The following ZNF329 variants were observed in gnomAD, a reference collection of about 807,000 sequenced individuals.
ZNF329 encodes the protein zinc finger protein 329.
In ZNF329, 15 loss-of-function variants were observed where a neutral mutation model predicts 26.6. The observed-to-expected ratio is 0.56, with a 90% confidence interval of 0.38 to 0.87. The LOEUF (loss-of-function observed/expected upper bound fraction) is 0.87. ZNF329 is among the 40% of genes least tolerant of loss of function. The pLI is 0.00. For missense variants in ZNF329, 651 were observed against 651.9 expected, an observed-to-expected ratio of 1.00 and a Z score of 0.02; for synonymous variants, 239 against 233.5, an observed-to-expected ratio of 1.02 and a Z score of -0.21.
In ZNF329 at chr19:58,128,324, A is replaced by G. The variant is rs1342048758; in HGVS notation, c.1180T>C (p.Ser394Pro). 6.2e-7 allele frequency: 1 copy of G among 1,613,998 alleles called. No individual in the cohort carries two copies. The change falls in exon 4 of 4, where the codon TCT (serine) becomes CCT (proline). Residue 394 changes from serine to proline, a missense_variant. Transcript: ENST00000598312. Reference sequence around the variant, plus strand: ...TTACATTCATAGGGTTTCTCCCCAGAATGGATCTTTTGATGCACAATGAGG... The same window carrying G: ...TTACATTCATAGGGTTTCTCCCCAGGATGGATCTTTTGATGCACAATGAGG... ...SHLIVHQKIH[S>P]GEKPYECKEC...
chr19:58,153,384 A>C (rs1365959331), upstream of ZNF329, among the ~76,000 whole-genome samples: 1 of 152,204 alleles, frequency 6.6e-6, no homozygotes, highest in African/African-American at 2.4e-5. Flanking sequence ...TGCTGGGATG[A>C]CAGGCGTGAG....
intron 1 of ZNF329, among the ~76,000 whole-genome samples, chr19:58,147,543 G>C (rs1400851488): frequency 6.9e-6 from 1 of 144,022 alleles, no homozygotes; most frequent in South Asian, 2.1e-4. Context: ...CCGGGAGGGA[G>C]GTGGGGGGGT....
At position 58,129,592 on chromosome 19, in the gene ZNF329, GT is replaced by G. The variant is rs1195137014; in HGVS notation, c.-8-82del. ...AACAGACAATGATGATGGGCTAGGT[GT>G]AAAGATGTGTATTTTTTTACTTGTT... is the stretch of plus-strand genomic sequence containing the variant. On this transcript the variant is annotated intron_variant, in intron 3 of 3. Transcript: ENST00000598312. 1.2e-5 allele frequency: 14 copies of G among 1,195,200 alleles called. No homozygotes were observed. The Admixed American group carries it at 3.3e-4, about 28-fold the overall frequency. 74.0% of individuals were successfully genotyped at this position (1,195,200 alleles called of 1,614,324 possible).
At chr19:58,130,689 A>AC (rs2074920498) in intron 3 of ZNF329, among the ~76,000 whole-genome samples, 1 of 151,076 alleles carries the variant, frequency 6.6e-6, no homozygotes, top group Non-Finnish European at 1.5e-5. Flanking sequence ...AAAAAAAAAA[A>AC]AAAAACTGGA....
intron 3 of ZNF329, among the ~76,000 whole-genome samples, chr19:58,138,972 A>G (rs1426252573): frequency 6.6e-6 from 1 of 151,936 alleles, no homozygotes; most frequent in Admixed American, 6.6e-5. Flanking sequence ...AAAAAAAGAA[A>G]AAAGAAAAAA....
Position 58,126,415 on chromosome 19 carries a change from GAAT to G in ZNF329, c.*1460_*1462del, listed in dbSNP as rs2074802637. 1 of 152,110 alleles carries G rather than the reference GAAT, an allele frequency of 6.6e-6. No individual in the cohort carries two copies. The highest frequency in any genetic ancestry group is 1.5e-5 in the Non-Finnish European group (1 of 68,034). 9.4% of individuals were successfully genotyped at this position (152,110 alleles called of 1,614,324 possible). ...ATGTGCACATATTTTTACATGGCTG[GAAT>G]AATAGTAAATCTTCTATTTGATGCC... On this transcript the variant is annotated 3_prime_UTR_variant, in exon 4 of 4. Coordinates refer to ENST00000598312, the MANE Select transcript of ZNF329 (RefSeq NM_024620.4).
upstream of ZNF329, among the ~76,000 whole-genome samples, chr19:58,153,487 G>A (rs2075492940): frequency 6.6e-6 from 1 of 152,156 alleles, no homozygotes; most frequent in Non-Finnish European, 1.5e-5. Flanking sequence ...TTTCAGCTTT[G>A]CAGACCATAA....
At chr19:58,135,940 ACC>A (rs2075054032) in intron 3 of ZNF329, among the ~76,000 whole-genome samples, 1 of 152,216 alleles carries the variant, frequency 6.6e-6, no homozygotes, top group South Asian at 2.1e-4. Flanking sequence ...ATTACAAAAC[ACC>A]TAGAACAGGC....
intron 1 of ZNF329, among the ~76,000 whole-genome samples, chr19:58,144,395 TA>T (rs201425626): frequency 0.063 from 7,255 of 114,600 alleles, 270 homozygotes; most frequent in East Asian, 0.17. Flanking sequence ...TATATATATA[TA>T]TTTTTTTTTT....
chr19:58,136,052 G>A (rs2075058300), intron 3 of ZNF329, among the ~76,000 whole-genome samples: 1 of 152,000 alleles, frequency 6.6e-6, no homozygotes, highest in East Asian at 1.9e-4. Flanking sequence ...CCAATATAGT[G>A]AAACCCCATC....
In ZNF329 at chr19:58,149,713, T is replaced by G. The variant is rs191172626; in HGVS notation, c.-208+1039A>C. Reference sequence around the variant, plus strand: ...ACAAGCCCAAGTTCCTATAGCCAAATTTTTTAACTTGGCAAAAAATAAAGG... The same window carrying G: ...ACAAGCCCAAGTTCCTATAGCCAAAGTTTTTAACTTGGCAAAAAATAAAGG... On this transcript the variant is annotated intron_variant, in intron 1 of 3. Transcript: ENST00000598312. Among the ~76,000 whole-genome samples the G allele has an allele frequency of 2.5e-3, 381 of 152,304 alleles. 2 individuals are homozygous for G. The Middle Eastern group carries it at 0.031, about 12-fold the overall frequency.
intron 3 of ZNF329, among the ~76,000 whole-genome samples, chr19:58,140,984 C>T (rs1201701345): frequency 6.6e-6 from 1 of 150,424 alleles, no homozygotes; most frequent in Non-Finnish European, 1.5e-5. Flanking sequence ...GATTCTCTTG[C>T]CTTGGCCTCT....
chr19:58,132,952 A>C (rs955497929), intron 3 of ZNF329, among the ~76,000 whole-genome samples: 2 of 152,132 alleles, frequency 1.3e-5, no homozygotes, highest in African/African-American at 4.8e-5. Context: ...AGCTGGGACT[A>C]CAGGTGTCTG....
chr19:58,150,947 C>T (rs1490245681), upstream of ZNF329, among the ~76,000 whole-genome samples: 1 of 152,274 alleles, frequency 6.6e-6, no homozygotes, highest in Admixed American at 6.5e-5. Flanking sequence ...CCTATGGTCT[C>T]CTCTGATTTT....
In ZNF329 at chr19:58,127,560, A is replaced by C; in HGVS notation, c.*318T>G. Reference sequence around the variant, plus strand: ...TCCCTACTACAGGGCTCTTCATTCCAATCATGTTCTGAATGCATTCACAGG... The same window carrying C: ...TCCCTACTACAGGGCTCTTCATTCCCATCATGTTCTGAATGCATTCACAGG... On this transcript the variant is annotated 3_prime_UTR_variant, in exon 4 of 4. Transcript: ENST00000598312. The C allele has an allele frequency of 3.7e-6, 1 of 267,528 alleles. No homozygotes were observed. 16.6% of individuals were successfully genotyped at this position (267,528 alleles called of 1,614,324 possible).
intron 3 of ZNF329, among the ~76,000 whole-genome samples, chr19:58,142,013 C>T (rs1329931463): frequency 2.0e-5 from 3 of 152,150 alleles, no homozygotes; most frequent in African/African-American, 7.2e-5. Context: ...GAGCCCTGAT[C>T]GTGCCACTGT....
Position 58,128,721 on chromosome 19 carries a change from G to A in ZNF329, c.783C>T (p.Cys261=), listed in dbSNP as rs1316446111. ...CACTGAAAGCTTTCCCACATTTACTGCATTCATAGGGCTTCTCTCCTGTGT... is the reference window on the plus strand; with the variant it reads ...CACTGAAAGCTTTCCCACATTTACTACATTCATAGGGCTTCTCTCCTGTGT... ...RIHTGEKPYE[C]SKCGKAFSDG... Residue 261 remains cysteine (C), a synonymous_variant, in exon 4 of 4, where the codon TGC becomes TGT. Coordinates refer to ENST00000598312, the MANE Select transcript of ZNF329 (RefSeq NM_024620.4). The A allele has an allele frequency of 6.2e-7, 1 of 1,607,324 alleles. No individual in the cohort carries two copies. The highest frequency in any genetic ancestry group is 1.1e-5 in the South Asian group (1 of 90,076).
rs150170153 is a variant in ZNF329, at chr19:58,130,300, G to A, written c.-8-789C>T. Reference sequence around the variant, plus strand: ...ATCACACCACTGCACTCCAGCCTACGCGGCAGAGTGAGACTCCATCTCAAA... The same window carrying A: ...ATCACACCACTGCACTCCAGCCTACACGGCAGAGTGAGACTCCATCTCAAA... On this transcript the variant is annotated intron_variant, in intron 3 of 3. Transcript: ENST00000598312. Among the ~76,000 whole-genome samples, 1,101 of 152,050 alleles carry A rather than the reference G, an allele frequency of 7.2e-3. 7 individuals carry two copies. The highest frequency in any genetic ancestry group is 0.024 in the African/African-American group (998 of 41,484).
At chr19:58,151,986 G>A (rs542551930), upstream of ZNF329, among the ~76,000 whole-genome samples, 4 of 152,138 alleles carry the variant, frequency 2.6e-5, no homozygotes, top group East Asian at 1.9e-4. Flanking sequence ...ATTACTCTCC[G>A]AACCTCTCCG....
Sources: allele counts gnomAD v4.1 joint callset (sites outside exome capture counted in the v4.1 genomes callset), GRCh38; gene constraint gnomAD v4.1.1; transcripts MANE v1.5; gene names NCBI Gene and HGNC (gene_info 2026-07-23, HGNC 2026-07-21).